Variants in TRARG1 observed in about 807,000 individuals in gnomAD.
The protein encoded by TRARG1 is trafficking regulator of GLUT4 (SLC2A4) 1 (gene/pseudogene).
Under a neutral mutation model 13.3 loss-of-function variants are expected in TRARG1, and 16 were observed. That is an observed-to-expected ratio of 1.20 (90% CI 0.81 to 1.83). The LOEUF (loss-of-function observed/expected upper bound fraction) is 1.83. Among genes scored for constraint, TRARG1 ranks in the 40% most tolerant of loss-of-function variants. The pLI, the probability that TRARG1 is intolerant of heterozygous loss-of-function variation, is 0.00. For missense variants in TRARG1, 250 were observed against 237.4 expected, an observed-to-expected ratio of 1.05 and a Z score of -0.35; for synonymous variants, 113 against 106.2, an observed-to-expected ratio of 1.06 and a Z score of -0.39.
At chr17:1,293,305 A>G (rs112867473) in intron 1 of TRARG1, among the ~76,000 whole-genome samples, 3,109 of 147,604 alleles carry the variant, frequency 0.021, 167 homozygotes, top group African/African-American at 0.075. Context: ...AAAAAAAAAG[A>G]TAGTGGTGAT....
At chr17:1,284,277 A>C (rs1186329132) in intron 1 of TRARG1, among the ~76,000 whole-genome samples, 1 of 152,210 alleles carries the variant, frequency 6.6e-6, no homozygotes, top group African/African-American at 2.4e-5. Context: ...AAATGGAATC[A>C]TACAGTATGA....
chr17:1,288,537 C>T, intron 1 of TRARG1, among the ~76,000 whole-genome samples: 1 of 72,154 alleles, frequency 1.4e-5, no homozygotes, highest in South Asian at 6.2e-4. Flanking sequence ...AGCTTCTCAT[C>T]CCCCACGGGT....
At chr17:1,293,708 T>G (rs1389340303) in intron 1 of TRARG1, among the ~76,000 whole-genome samples, 1 of 151,976 alleles carries the variant, frequency 6.6e-6, no homozygotes, top group Non-Finnish European at 1.5e-5. Context: ...TTGAGTTTGA[T>G]GATGTCACAG....
intron 1 of TRARG1, among the ~76,000 whole-genome samples, chr17:1,291,132 CT>C (rs1338044155): frequency 2.0e-5 from 3 of 152,136 alleles, no homozygotes; most frequent in Non-Finnish European, 4.4e-5. Context: ...TCTCGAACTC[CT>C]GACCTCAGGT....
At position 1,298,843 on chromosome 17, in the gene TRARG1, C is replaced by T. The variant is rs1396316624; in HGVS notation, c.*579C>T. The T allele has an allele frequency of 6.6e-6, 1 of 152,624 alleles. No individual in the cohort carries two copies. The highest frequency in any genetic ancestry group is 1.9e-4 in the East Asian group (1 of 5,192). 9.5% of individuals were successfully genotyped at this position (152,624 alleles called of 1,614,324 possible). On this transcript the variant is annotated 3_prime_UTR_variant, in exon 3 of 3. Transcript: ENST00000333813. ...GCCTGGGACCTCCCCCGGCAGGCAC[C>T]TGTGGGGGGTGCAGCTCCCGGGAAG...
At position 1,279,997 on chromosome 17, in the gene TRARG1, C is replaced by G. The variant is rs1329777101; in HGVS notation, c.-5C>G. 1 of 1,607,368 alleles carries G rather than the reference C, an allele frequency of 6.2e-7. No individual in the cohort carries two copies. Reference sequence around the variant, plus strand: ...GAGCTGCAGCCGCGCAAGGCCCAGGCCCCCATGGCCCACCCGGTGCAGTCC... The same window carrying G: ...GAGCTGCAGCCGCGCAAGGCCCAGGGCCCCATGGCCCACCCGGTGCAGTCC... On this transcript the variant is annotated 5_prime_UTR_variant, in exon 1 of 3. Transcript: ENST00000333813.
chr17:1,291,267 C>T (rs369501433), intron 1 of TRARG1, among the ~76,000 whole-genome samples: 14 of 152,278 alleles, frequency 9.2e-5, no homozygotes, highest in Middle Eastern at 3.4e-3. Flanking sequence ...CCCGCCACCG[C>T]GCCCAGCTAA....
chr17:1,295,221 G>A (rs965401539), intron 1 of TRARG1, among the ~76,000 whole-genome samples: 5 of 152,138 alleles, frequency 3.3e-5, no homozygotes, highest in South Asian at 2.1e-4. Context: ...CTCCTCCACC[G>A]CCCTGAGAAG....
chr17:1,293,274 A>G (rs1598194032), intron 1 of TRARG1, among the ~76,000 whole-genome samples: 1 of 115,998 alleles, frequency 8.6e-6, no homozygotes, highest in African/African-American at 3.8e-5. Context: ...ACAGAGCAAG[A>G]CTCTGTCTCA....
intron 1 of TRARG1, among the ~76,000 whole-genome samples, chr17:1,283,533 G>A (rs1327785431): frequency 3.9e-5 from 6 of 152,116 alleles, no homozygotes; most frequent in South Asian, 2.1e-4. Flanking sequence ...CTGGCCGGGC[G>A]CAGTGGCTCA....
intron 1 of TRARG1, 79 bp downstream of exon 1, chr17:1,280,467 A>C (rs1281830738): frequency 2.2e-6 from 3 of 1,393,116 alleles, no homozygotes; most frequent in South Asian, 2.8e-5. Flanking sequence ...GGCACCAAAC[A>C]CTGCCCAGGG....
intron 2 of TRARG1, among the ~76,000 whole-genome samples, chr17:1,297,950 A>T (rs890482415): frequency 2.0e-5 from 3 of 152,178 alleles, no homozygotes; most frequent in Non-Finnish European, 4.4e-5. Flanking sequence ...GCAGGGAAAG[A>T]AGTCTCAACA....
chr17:1,297,262 C>T (rs1422145388), intron 2 of TRARG1, among the ~76,000 whole-genome samples: 2 of 152,118 alleles, frequency 1.3e-5, no homozygotes, highest in Non-Finnish European at 2.9e-5. Context: ...CAACCGTCAA[C>T]GTTGGGAGGC....
Position 1,295,548 on chromosome 17 carries a change from G to T in TRARG1, c.445G>T (p.Ala149Ser), listed in dbSNP as rs762389709. The T allele has an allele frequency of 6.9e-5, 111 of 1,613,034 alleles. 1 individual carries two copies. The South Asian group carries it at 1.2e-3, about 17-fold the overall frequency. The change falls in exon 2 of 3, where the codon GCT becomes TCT. Residue 149 changes from alanine (A) to serine (S), a missense_variant. Physicochemically the swap from Ala to Ser is moderately conservative, Grantham distance 99 (BLOSUM62 1). Transcript: ENST00000333813. ...CGGCGCCCGGAGGCTGGGCCGCCTG[G>T]CTCGGCTGCTCAGCATTACCCTCAT... ...VDGARRLGRL[A>S]RLLSITLIIM...
At chr17:1,283,891 T>A (rs1248133922) in intron 1 of TRARG1, among the ~76,000 whole-genome samples, 1 of 151,802 alleles carries the variant, frequency 6.6e-6, no homozygotes, top group Non-Finnish European at 1.5e-5. Context: ...GGCGGGCAGA[T>A]CACGAGGTCA....
At chr17:1,291,894 G>A (rs975730112) in intron 1 of TRARG1, among the ~76,000 whole-genome samples, 1 of 152,194 alleles carries the variant, frequency 6.6e-6, no homozygotes, top group Non-Finnish European at 1.5e-5. Flanking sequence ...CAGTGGTTGT[G>A]GAAGAAAATA....
At chr17:1,294,050 G>A (rs1357029276) in intron 1 of TRARG1, among the ~76,000 whole-genome samples, 1 of 152,140 alleles carries the variant, frequency 6.6e-6, no homozygotes, top group Non-Finnish European at 1.5e-5. Context: ...GCATTTCCAT[G>A]TTGAACTCAG....
chr17:1,282,093 T>C (rs549245379), intron 1 of TRARG1, among the ~76,000 whole-genome samples: 31 of 149,628 alleles, frequency 2.1e-4, no homozygotes, highest in African/African-American at 7.4e-4. Context: ...TGTACATATA[T>C]ACGTATATGT....
Position 1,298,502 on chromosome 17 carries a change from G to T in TRARG1, c.*238G>T, listed in dbSNP as rs373489552. On this transcript the variant is annotated 3_prime_UTR_variant, in exon 3 of 3. Transcript: ENST00000333813. Reference sequence around the variant, plus strand: ...AATGGGTAACGTGGTTTACTCTCCCGGACGCGTCCTGGGATCTCAACCCCA... The same window carrying T: ...AATGGGTAACGTGGTTTACTCTCCCTGACGCGTCCTGGGATCTCAACCCCA... The T allele has an allele frequency of 2.2e-6, 1 of 459,606 alleles. No individual in the cohort carries two copies. The highest frequency in any genetic ancestry group is 3.3e-5 in the East Asian group (1 of 30,562). The allele number at this position is 459,606 out of a possible 1,614,324, so 28.5% of individuals were successfully genotyped here.
Sources: allele counts gnomAD v4.1 joint callset (sites outside exome capture counted in the v4.1 genomes callset), GRCh38; gene constraint gnomAD v4.1.1; transcripts MANE v1.5; gene names NCBI Gene and HGNC (gene_info 2026-07-23, HGNC 2026-07-21).